AKAP11: variants seen among roughly 807,000 people sequenced by gnomAD.
AKAP11 encodes the protein A-kinase anchoring protein 11, also known as A-kinase anchor protein 11.
A neutral mutation model predicts 146.1 loss-of-function variants in AKAP11; 36 were observed. That is an observed-to-expected ratio of 0.25 (90% CI 0.19 to 0.33). AKAP11 has a LOEUF of 0.33. Ranked by LOEUF, AKAP11 falls within the 10% of genes least tolerant of loss-of-function variation. The probability of loss-of-function intolerance (pLI) is 1.00; values close to 1 mark genes in which losing one functional copy is unlikely to be tolerated. For synonymous variants in AKAP11, 780 were observed against 786.5 expected, an observed-to-expected ratio of 0.99 and a Z score of 0.14; for missense variants, 2,201 against 2,197.0, an observed-to-expected ratio of 1.00 and a Z score of -0.04.
chr13:42,301,454 G>A lies in AKAP11; in HGVS notation c.2708G>A (p.Arg903His), dbSNP rs61752536. Residue 903 changes from arginine to histidine, a missense_variant, in exon 8 of 13, where the codon CGT (arginine) becomes CAT (histidine). Physicochemically the swap from Arg to His is conservative, Grantham distance 29. Around this residue, in one of 3 missense-constraint regions of AKAP11, gnomAD observed 1,867 missense variants for 1,833.5 expected, o/e 1.02. Transcript: ENST00000025301. ...GAAGTTACAAAAATGGTTGATGAAC[G>A]TACAGATTATTTAACTAAATCTTTA... ...SLEVTKMVDE[R>H]TDYLTKSLKE... is the part of the protein sequence containing the mutation. 2,975 of 1,613,294 alleles carry A rather than the reference G, an allele frequency of 1.8e-3. 9 individuals carry two copies. The highest frequency in any genetic ancestry group is 4.8e-3 in the South Asian group (435 of 90,824).
chr13:42,297,362 A>C (rs184265297), intron 6 of AKAP11, among the ~76,000 whole-genome samples, 180 bp downstream of exon 6: 36 of 152,004 alleles, frequency 2.4e-4, no homozygotes, highest in African/African-American at 8.4e-4. Flanking sequence ...GGATATAATA[A>C]TTTTGGTCAT....
At chr13:42,318,959 T>C in intron 12 of AKAP11, 129 bp from the exon 13 acceptor site, 2 of 1,144,190 alleles carry the variant, frequency 1.7e-6, no homozygotes, top group South Asian at 3.0e-5. Context: ...AAGACCTTGT[T>C]ATAACTAGGA....
chr13:42,316,132 G>A (rs930155876), intron 11 of AKAP11, among the ~76,000 whole-genome samples: 1 of 152,132 alleles, frequency 6.6e-6, no homozygotes, highest in Non-Finnish European at 1.5e-5. Flanking sequence ...AGAGAGGGGA[G>A]GGAAGAGACA....
chr13:42,286,425 T>TAAAAGAAACCTAAACTTTCAC (rs1959166919), intron 3 of AKAP11, 26 bp downstream of exon 3: 1 of 1,538,556 alleles, frequency 6.5e-7, no homozygotes, highest in African/African-American at 1.4e-5. Flanking sequence ...TAGGTTTCTT[T>TAAAAGAAACCTAAACTTTCAC]TAGTGAAAGT....
chr13:42,300,090 T>A lies in AKAP11; in HGVS notation c.1344T>A (p.Ser448Arg). Residue 448 changes from serine to arginine, a missense_variant, in exon 8 of 13, where the codon AGT (serine) becomes AGA (arginine). Transcript: ENST00000025301. ...KASREDSGLF[S>R]PIRSSAFSPL... ...CAAGGGAAGATAGTGGTTTATTTAG[T>A]CCTATTCGATCCTCTGCTTTTAGTC... 1 of 1,613,946 alleles carries A rather than the reference T, an allele frequency of 6.2e-7. No individual in the cohort carries two copies. Among genetic ancestry groups the A allele is most frequent in the Non-Finnish European group, 8.5e-7 (1 of 1,179,848 alleles).
At chr13:42,312,965 G>A in intron 9 of AKAP11, 82 bp from the exon 10 acceptor site, 1 of 1,163,896 alleles carries the variant, frequency 8.6e-7, no homozygotes, top group Non-Finnish European at 1.3e-6. Flanking sequence ...AGTTATCAAG[G>A]ACAGAAGCTG....
Position 42,303,079 on chromosome 13 carries a change from G to C in AKAP11, c.4333G>C (p.Asp1445His). Residue 1445 changes from aspartate (D) to histidine (H), a missense_variant, in exon 8 of 13, where the codon GAT becomes CAT. This residue lies in a region of AKAP11 where 1,867 missense variants were observed against 1,833.5 expected (regional missense o/e 1.02). Transcript: ENST00000025301. ...CKNQTCERTL[D>H]PYRNEVSQLY... ...AAATCAAACTTGTGAAAGGACCCTG[G>C]ATCCATATAGAAATGAGGTCTCCCA... The C allele has an allele frequency of 1.2e-6, 2 of 1,613,554 alleles. No homozygotes were observed. Among genetic ancestry groups the C allele is most frequent in the Non-Finnish European group, 1.7e-6 (2 of 1,179,926 alleles).
At position 42,300,029 on chromosome 13, in the gene AKAP11, G is replaced by A; in HGVS notation, c.1283G>A (p.Cys428Tyr). The part of the protein sequence containing the change: ...RKPESPYGNL[C>Y]DAPDSPRPVK... Reference sequence around the variant, plus strand: ...CCAGAATCTCCATATGGTAACCTGTGTGATGCTCCGGATTCTCCTCGCCCA... The same window carrying A: ...CCAGAATCTCCATATGGTAACCTGTATGATGCTCCGGATTCTCCTCGCCCA... The change falls in exon 8 of 13, where the codon TGT becomes TAT. Residue 428 changes from cysteine to tyrosine, a missense_variant. This residue lies in a region of AKAP11 where 1,867 missense variants were observed against 1,833.5 expected (regional missense o/e 1.02). Coordinates refer to ENST00000025301, the MANE Select transcript of AKAP11 (RefSeq NM_016248.4). The A allele has an allele frequency of 1.2e-6, 2 of 1,613,956 alleles. No homozygotes were observed. Among genetic ancestry groups the A allele is most frequent in the Non-Finnish European group, 1.7e-6 (2 of 1,179,850 alleles).
rs1961016477 is a variant in AKAP11, at chr13:42,319,997, T to G, written c.*769T>G. On this transcript the variant is annotated 3_prime_UTR_variant, in exon 13 of 13. Transcript: ENST00000025301. ...CAGTTTGTTCCCTCTTTTATTTTACTGTTTTCTTTTTAGAAACCCACTGTT... is the reference window on the plus strand; with the variant it reads ...CAGTTTGTTCCCTCTTTTATTTTACGGTTTTCTTTTTAGAAACCCACTGTT... The G allele has an allele frequency of 6.6e-6, 1 of 152,108 alleles. No individual in the cohort carries two copies. The highest frequency in any genetic ancestry group is 1.5e-5 in the Non-Finnish European group (1 of 67,930). 9.4% of individuals were successfully genotyped at this position (152,108 alleles called of 1,614,324 possible). A position where few individuals can be genotyped will look rare whatever the true frequency, so the allele number is the denominator to read the frequency against.
rs937941237 is a variant in AKAP11 at position 42,300,135 on chromosome 13, A to C, written c.1389A>C (p.Pro463=). 4.3e-6 allele frequency: 7 copies of C among 1,613,980 alleles called. 1 individual carries two copies. The highest frequency in any genetic ancestry group is 3.3e-4 in the Middle Eastern group (2 of 6,062). Reference sequence around the variant, plus strand: ...TTAGTCCTCTTGGAGGCTGTACTCCAGCTGAATGTTTTTGCCAAACAGATA... The same window carrying C: ...TTAGTCCTCTTGGAGGCTGTACTCCCGCTGAATGTTTTTGCCAAACAGATA... ...SAFSPLGGCT[P]AECFCQTDIG... is the part of the protein sequence containing the mutation. The change falls in exon 8 of 13, where the codon CCA becomes CCC. Residue 463 remains proline (P), a synonymous_variant. Coordinates refer to ENST00000025301, the MANE Select transcript of AKAP11 (RefSeq NM_016248.4).
intron 1 of AKAP11, 68 bp from the exon 2 acceptor site, chr13:42,285,918 T>C (rs1959159400): frequency 6.6e-6 from 1 of 152,624 alleles, no homozygotes; most frequent in South Asian, 2.1e-4. Context: ...GAAGTTGGAA[T>C]TCTTTTTGTA....
rs754118738 is a variant in AKAP11, at chr13:42,286,337, C to CA, written c.-6dup. The CA allele has an allele frequency of 2.6e-5, 41 of 1,589,638 alleles. No homozygotes were observed. In the Admixed American group the frequency reaches 5.0e-4, roughly 19 times the overall value. On this transcript the variant is annotated 5_prime_UTR_variant, in exon 3 of 13. Transcript: ENST00000025301. ...TTAACTCTTCATTGATTATATACAA[C>CA]AAAAAATAGTTATGGCGACTTTCAG... is the stretch of plus-strand genomic sequence containing the variant.
chr13:42,278,901 A>G (rs181855310), intron 1 of AKAP11, among the ~76,000 whole-genome samples: 1 of 149,198 alleles, frequency 6.7e-6, no homozygotes. Flanking sequence ...TTTTTGAAAT[A>G]CATTTTCATT....
intron 9 of AKAP11, among the ~76,000 whole-genome samples, chr13:42,310,902 G>C (rs578041496): frequency 6.6e-6 from 1 of 151,502 alleles, no homozygotes; most frequent in African/African-American, 2.4e-5. Context: ...CACCTTGCCA[G>C]TTTCATTATA....
In AKAP11 at chr13:42,301,938, C is replaced by T; in HGVS notation, c.3192C>T (p.Asn1064=). The T allele has an allele frequency of 6.2e-7, 1 of 1,614,116 alleles. No homozygotes were observed. The highest frequency in any genetic ancestry group is 8.5e-7 in the Non-Finnish European group (1 of 1,180,006). Residue 1064 remains asparagine, a synonymous_variant, in exon 8 of 13, where the codon AAC becomes AAT. Coordinates refer to ENST00000025301, the MANE Select transcript of AKAP11 (RefSeq NM_016248.4). ...SLEALSFGQE[N]PFPHSHTFSS... ...AGGCCTTGTCTTTTGGACAGGAAAA[C>T]CCCTTTCCTCATTCACATACTTTCT...
At position 42,319,941 on chromosome 13, in the gene AKAP11, G is replaced by A. The variant is rs1435198241; in HGVS notation, c.*713G>A. 2 of 151,034 alleles carry A rather than the reference G, an allele frequency of 1.3e-5. No homozygotes were observed. Among genetic ancestry groups the A allele is most frequent in the African/African-American group, 4.9e-5 (2 of 40,592 alleles). The allele number at this position is 151,034 out of a possible 1,614,324, so 9.4% of individuals were successfully genotyped here. On this transcript the variant is annotated 3_prime_UTR_variant, in exon 13 of 13. Transcript: ENST00000025301. ...TGTGTGTGTGTGTGTGTGTGTGTGT[G>A]TGTGTGTGTAAGGGAGTACTTTAAC...
chr13:42,280,816 AAG>A (rs1005998979), intron 1 of AKAP11, among the ~76,000 whole-genome samples: 93 of 152,214 alleles, frequency 6.1e-4, no homozygotes, highest in African/African-American at 2.1e-3. Flanking sequence ...CAGCTGGTGG[AAG>A]AGAGAGGGTA....
Position 42,292,054 on chromosome 13 carries a change from G to A in AKAP11, c.52-331G>A, listed in dbSNP as rs1418250356. Among the ~76,000 whole-genome samples the A allele has an allele frequency of 2.0e-5, 3 of 152,180 alleles. No individual in the cohort carries two copies. The East Asian group carries it at 5.8e-4, about 29-fold the overall frequency. Reference sequence around the variant, plus strand: ...ATATAAATTGTTGCTTCTGTTCTACGCCAGTGACTTGGAAATCAGATATGC... The same window carrying A: ...ATATAAATTGTTGCTTCTGTTCTACACCAGTGACTTGGAAATCAGATATGC... On this transcript the variant is annotated intron_variant, in intron 3 of 12. Coordinates refer to ENST00000025301, the MANE Select transcript of AKAP11 (RefSeq NM_016248.4).
chr13:42,304,907 C>A (rs150030567), intron 8 of AKAP11, among the ~76,000 whole-genome samples: 7 of 152,070 alleles, frequency 4.6e-5, no homozygotes, highest in Non-Finnish European at 1.0e-4. Context: ...CCCACCACCA[C>A]GCCCAGCTAA....
Sources: gnomAD v4.1 joint callset for allele counts (sites outside exome capture counted in the v4.1 genomes callset) on GRCh38, gnomAD v4.1.1 for gene constraint, gnomAD v4.1.1 regional missense constraint, MANE v1.5 for transcripts, NCBI Gene and HGNC (gene_info 2026-07-23, HGNC 2026-07-21) for gene names.